Variants in VPS13B observed in about 807,000 individuals in gnomAD.
The protein encoded by VPS13B is vacuolar protein sorting 13 homolog B, also known as intermembrane lipid transfer protein VPS13B.
In VPS13B, 285 loss-of-function variants were observed where a neutral mutation model predicts 426.4. That is an observed-to-expected ratio of 0.67 (90% confidence interval 0.61 to 0.74). The LOEUF (loss-of-function observed/expected upper bound fraction) is 0.74. VPS13B is among the 30% of genes least tolerant of loss of function. The pLI, the probability that VPS13B is intolerant of heterozygous loss-of-function variation, is 0.00. For missense variants in VPS13B, 4,537 were observed against 4,782.6 expected (o/e 0.95, Z 1.51); for synonymous variants, 1,676 against 1,676.4 (o/e 1.00, Z 0.01).
intron 23 of VPS13B, among the ~76,000 whole-genome samples, chr8:99,463,922 C>T (rs1193932666): frequency 2.0e-5 from 3 of 152,004 alleles, no homozygotes; most frequent in Admixed American, 6.6e-5. Context: ...CTTGAACTCT[C>T]GACCTCAGGT....
At chr8:99,506,987 TA>T in intron 27 of VPS13B, 149 bp from the exon 28 acceptor site, 1 of 779,694 alleles carries the variant, frequency 1.3e-6, no homozygotes, top group Non-Finnish European at 2.2e-6. Flanking sequence ...GGTGCTAATG[TA>T]AATTGTTCTA....
At chr8:99,425,345 C>T (rs1588362536) in intron 21 of VPS13B, among the ~76,000 whole-genome samples, 1 of 152,138 alleles carries the variant, frequency 6.6e-6, no homozygotes, top group East Asian at 1.9e-4. Flanking sequence ...AATCCAGCAG[C>T]ACATCACAAA....
chr8:99,689,119 T>A (rs1831539944), intron 35 of VPS13B, among the ~76,000 whole-genome samples: 1 of 152,026 alleles, frequency 6.6e-6, no homozygotes, highest in Admixed American at 6.5e-5. Context: ...ACAAGAACAA[T>A]TGTTCTCCTT....
intron 19 of VPS13B, chr8:99,347,760 G>T (rs939986530): frequency 6.6e-6 from 1 of 152,226 alleles, no homozygotes; most frequent in African/African-American, 2.4e-5. Context: ...CACTATTGAG[G>T]TGTGGGAGTA....
chr8:99,811,213 G>C (rs1392336306), intron 44 of VPS13B, among the ~76,000 whole-genome samples: 2 of 152,092 alleles, frequency 1.3e-5, no homozygotes, highest in African/African-American at 2.4e-5. Flanking sequence ...CACCAGCTAA[G>C]TTTTCTTCCT....
intron 33 of VPS13B, among the ~76,000 whole-genome samples, chr8:99,630,674 A>C (rs1441773536): frequency 2.0e-5 from 3 of 147,168 alleles, no homozygotes; most frequent in Non-Finnish European, 3.0e-5. Flanking sequence ...CTAGGTGATA[A>C]TGTAGGGGAA....
intron 33 of VPS13B, among the ~76,000 whole-genome samples, chr8:99,600,824 C>G (rs1827255620): frequency 6.6e-6 from 1 of 152,112 alleles, no homozygotes; most frequent in South Asian, 2.1e-4. Context: ...TTGTAGGCAT[C>G]AGCTATTCCT....
At chr8:99,715,611 T>C (rs1263231102) in intron 36 of VPS13B, among the ~76,000 whole-genome samples, 1 of 152,170 alleles carries the variant, frequency 6.6e-6, no homozygotes, top group Non-Finnish European at 1.5e-5. Context: ...AAACACTGTG[T>C]ACAAGGATTC....
chr8:99,666,066 T>A (rs1414646659), intron 35 of VPS13B, among the ~76,000 whole-genome samples: 1 of 152,212 alleles, frequency 6.6e-6, no homozygotes, highest in Non-Finnish European at 1.5e-5. Context: ...AGGTATTTTA[T>A]TCTCTTTGAA....
intron 35 of VPS13B, among the ~76,000 whole-genome samples, chr8:99,673,373 C>T (rs868471536): frequency 6.6e-6 from 1 of 151,904 alleles, no homozygotes; most frequent in East Asian, 1.9e-4. Flanking sequence ...GTATGTGTCC[C>T]GGAATTTATC....
intron 23 of VPS13B, among the ~76,000 whole-genome samples, chr8:99,448,788 CCT>C (rs1818049588): frequency 6.6e-6 from 1 of 152,102 alleles, no homozygotes; most frequent in African/African-American, 2.4e-5. Context: ...TCAGTCATTT[CCT>C]CTCTTGTTCT....
chr8:99,531,373 G>A lies in VPS13B; in HGVS notation c.4745+10363G>A, dbSNP rs1822925487. On this transcript the variant is annotated intron_variant, in intron 30 of 61. Transcript: ENST00000357162. ...TGACCAGATAAATATTTACATAGAT[G>A]TTGTATCTGATTAACAAAGTCAATA... is the stretch of plus-strand genomic sequence containing the variant. Among the ~76,000 whole-genome samples, 3 of 152,204 alleles carry A rather than the reference G, an allele frequency of 2.0e-5. No individual in the cohort carries two copies. The South Asian group carries it at 6.2e-4, about 32-fold the overall frequency.
intron 2 of VPS13B, among the ~76,000 whole-genome samples, chr8:99,014,713 G>A (rs909006074): frequency 2.7e-5 from 4 of 149,640 alleles, no homozygotes; most frequent in African/African-American, 9.9e-5. Flanking sequence ...AAAAAAAAGA[G>A]CAGATTCAGA....
At chr8:99,664,067 TGTGA>T (rs1830352437) in intron 35 of VPS13B, among the ~76,000 whole-genome samples, 1 of 151,026 alleles carries the variant, frequency 6.6e-6, no homozygotes, top group Non-Finnish European at 1.5e-5. Context: ...AGTGCAGTGG[TGTGA>T]TCTTGGCTCA....
At chr8:99,871,914 T>G (rs112471809) in intron 61 of VPS13B, among the ~76,000 whole-genome samples, 365 of 152,286 alleles carry the variant, frequency 2.4e-3, no homozygotes, top group African/African-American at 8.3e-3. Flanking sequence ...AAGCCCTGTA[T>G]AGGAGAACCC....
chr8:99,653,216 A>G (rs909244792), intron 34 of VPS13B, among the ~76,000 whole-genome samples: 3 of 152,232 alleles, frequency 2.0e-5, no homozygotes, highest in African/African-American at 4.8e-5. Context: ...TTATTCAAAC[A>G]TAAGTTGGGA....
chr8:99,577,629 C>A lies in VPS13B; in HGVS notation c.5216C>A (p.Ala1739Glu). The change falls in exon 33 of 62, where the codon GCA (alanine) becomes GAA (glutamate). Residue 1739 changes from alanine (A) to glutamate (E), a missense_variant. Coordinates refer to ENST00000357162, the MANE Select transcript of VPS13B (RefSeq NM_152564.5). ...GGACTGGAACCATCAAACAAGGCTG[C>A]AGAGGTAACTGTTACCTGATTTTGA... ...MTGLEPSNKAAEISKQEQKKV... is the reference protein window; with the variant it reads ...MTGLEPSNKAEEISKQEQKKV... 1 of 1,613,474 alleles carries A rather than the reference C, an allele frequency of 6.2e-7. No individual in the cohort carries two copies. The highest frequency in any genetic ancestry group is 8.5e-7 in the Non-Finnish European group (1 of 1,179,694).
chr8:99,797,210 TAGAC>T (rs2130747410), intron 43 of VPS13B: 1 of 152,276 alleles, frequency 6.6e-6, no homozygotes, highest in African/African-American at 2.4e-5. Flanking sequence ...TTGCTTATAA[TAGAC>T]AGCTGATAAG....
intron 32 of VPS13B, among the ~76,000 whole-genome samples, chr8:99,576,975 C>G (rs1825807798): frequency 6.6e-6 from 1 of 152,060 alleles, no homozygotes; most frequent in Admixed American, 6.6e-5. Context: ...CAATTAATTG[C>G]CTGCCTAAAA....
Sources: gnomAD v4.1 joint callset for allele counts (sites outside exome capture counted in the v4.1 genomes callset) on GRCh38, gnomAD v4.1.1 for gene constraint, MANE v1.5 for transcripts, NCBI Gene and HGNC (gene_info 2026-07-23, HGNC 2026-07-21) for gene names.